Variants in ZNF142 observed in about 807,000 individuals in gnomAD.
ZNF142 encodes the protein zinc finger protein 142, also known as zinc finger protein 142 (clone pHZ-49).
In ZNF142, 96 loss-of-function variants were observed where a neutral mutation model predicts 132.1. The ratio of observed to expected loss-of-function variants is 0.73; its 90% CI spans 0.62 to 0.86. ZNF142 has a LOEUF of 0.86. Ranked by LOEUF, ZNF142 falls within the 40% of genes least tolerant of loss-of-function variation. The pLI is 0.00. For missense variants in ZNF142, 2,163 were observed against 2,336.2 expected (o/e 0.93, Z 1.53); for synonymous variants, 842 against 890.1 (o/e 0.95, Z 0.96).
At position 218,645,077 on chromosome 2, in the gene ZNF142, GA is replaced by G; in HGVS notation, c.2052-14del. ...GTTGCACTGATACCTGGCAAGGAGGGAAAGGGGGAGGCAATCACAATAATTA... is the reference window on the plus strand; with the variant it reads ...GTTGCACTGATACCTGGCAAGGAGGGAAGGGGGAGGCAATCACAATAATTA... On this transcript the variant is annotated splice_polypyrimidine_tract_variant and intron_variant, in intron 8 of 10. Transcript: ENST00000411696. The G allele has an allele frequency of 1.9e-6, 3 of 1,602,406 alleles. No individual in the cohort carries two copies. The East Asian group carries it at 6.7e-5, about 36-fold the overall frequency.
rs1575070013 is a variant in ZNF142, at chr2:218,646,480, G to A, written c.1874-132C>T. On this transcript the variant is annotated intron_variant, in intron 7 of 10. Transcript: ENST00000411696. ...AGCTTCATGTGCTACCTGAGATGGT[G>A]AAAACCTCACAATAATAAAGGGCTG... The A allele has an allele frequency of 4.0e-6, 4 of 1,006,460 alleles. No individual in the cohort carries two copies. In the South Asian group the frequency reaches 5.2e-5, roughly 13 times the overall value. The allele number at this position is 1,006,460 out of a possible 1,614,324, so 62.3% of individuals were successfully genotyped here. A position where few individuals can be genotyped will look rare whatever the true frequency, so the allele number is the denominator to read the frequency against.
rs1390126317 is a variant in ZNF142 at position 218,644,749 on chromosome 2, C to A, written c.2367G>T (p.Leu789Phe). ...AGCCATGGGCCTTGCGTTTATGGAA[C>A]AAGAGTGTGGTGTTGCTGAAGGTGC... Reference protein sequence around the residue: ...DYRTFSNTTLLFHKRKAHGYV... With the variant: ...DYRTFSNTTLFFHKRKAHGYV... The change falls in exon 9 of 11, where the codon TTG (leucine) becomes TTT (phenylalanine). Residue 789 changes from leucine to phenylalanine, a missense_variant. By Grantham distance (22) the Leu-to-Phe change is conservative. Transcript: ENST00000411696. This position sits in a 1 kb window ranked among gnomAD's most constrained non-coding sequence, Gnocchi z 4.6. The A allele has an allele frequency of 6.2e-7, 1 of 1,614,230 alleles. No individual in the cohort carries two copies. The highest frequency in any genetic ancestry group is 8.5e-7 in the Non-Finnish European group (1 of 1,180,048).
Position 218,633,641 on chromosome 2 carries a change from C to CTGGTTATCTACTTGAAGTCTGTCTCA in ZNF142, c.*4672_*4697dup. On this transcript the variant is annotated 3_prime_UTR_variant, in exon 11 of 11. Coordinates refer to ENST00000411696, the MANE Select transcript of ZNF142 (RefSeq NM_001379659.1). ...CATCTTGTGTCCAGCCCTCTCTTCC[C>CTGGTTATCTACTTGAAGTCTGTCTCA]TGGTTATCTACTTGAAGTCTGTCTC... The CTGGTTATCTACTTGAAGTCTGTCTCA allele has an allele frequency of 6.2e-7, 1 of 1,613,654 alleles. No homozygotes were observed. The highest frequency in any genetic ancestry group is 8.5e-7 in the Non-Finnish European group (1 of 1,179,594).
rs1416124688 is a variant in ZNF142, at chr2:218,648,809, G to A, written c.1699C>T (p.Pro567Ser). Reference protein sequence around the residue: ...LFRKHKKQGHPGSEELRCTFC... With the variant: ...LFRKHKKQGHSGSEELRCTFC... ...GTGCAGCGCAGCTCTTCACTGCCAG[G>A]GTGGCCCTGCTTCTTGTGTTTACGG... is the stretch of plus-strand genomic sequence containing the variant. Residue 567 changes from proline to serine, a missense_variant, in exon 7 of 11, where the codon CCT (proline) becomes TCT (serine). Physicochemically the swap from Pro to Ser is moderately conservative, Grantham distance 74 (BLOSUM62 -1). Coordinates refer to ENST00000411696, the MANE Select transcript of ZNF142 (RefSeq NM_001379659.1). 6.2e-7 allele frequency: 1 copy of A among 1,614,184 alleles called. No individual in the cohort carries two copies. Among genetic ancestry groups the A allele is most frequent in the Non-Finnish European group, 8.5e-7 (1 of 1,180,006 alleles).
rs989555908 is a variant in ZNF142, at chr2:218,642,691, A to G, written c.4425T>C (p.His1475=). The G allele has an allele frequency of 4.3e-6, 7 of 1,613,982 alleles. No individual in the cohort carries two copies. Among genetic ancestry groups the G allele is most frequent in the East Asian group, 2.2e-5 (1 of 44,898 alleles). The part of the protein sequence containing the change: ...SGYLRHDITR[H]VNSCHQGTPA... ...GGGTGCCTTGGTGGCAGCTGTTGAC[A>G]TGACGAGTGATGTCATGGCGAAGGT... Residue 1475 remains histidine (H), a synonymous_variant, in exon 9 of 11, where the codon CAT becomes CAC. Transcript: ENST00000411696. The surrounding 1 kb of genome is among the most constrained non-coding windows in gnomAD (Gnocchi z 4.6).
chr2:218,640,652 A>G lies in ZNF142; in HGVS notation c.5194+12T>C. 4 of 1,613,744 alleles carry G rather than the reference A, an allele frequency of 2.5e-6. No individual in the cohort carries two copies. The highest frequency in any genetic ancestry group is 3.4e-6 in the Non-Finnish European group (4 of 1,179,682). On this transcript the variant is annotated intron_variant, in intron 10 of 10. Transcript: ENST00000411696. ...GGAACCCTTCAGGCCTGTCGAAACC[A>G]CACAGACTCACCTGTATGCTTGGTC...
chr2:218,643,956 G>A lies in ZNF142; in HGVS notation c.3160C>T (p.His1054Tyr). 1 of 1,614,158 alleles carries A rather than the reference G, an allele frequency of 6.2e-7. No individual in the cohort carries two copies. The highest frequency in any genetic ancestry group is 1.1e-5 in the South Asian group (1 of 91,088). ...CGGCCTTGGCACCCAGTCCTGGAGT[G>A]CAGATTCAGGGCCTTCTCCCGGCGA... is the stretch of plus-strand genomic sequence containing the variant. Reference protein sequence around the residue: ...ITRREKALNLHSRTGCQGRRE... With the variant: ...ITRREKALNLYSRTGCQGRRE... Residue 1054 changes from histidine (H) to tyrosine (Y), a missense_variant, in exon 9 of 11, where the codon CAC (histidine) becomes TAC (tyrosine). His to Tyr is a moderately conservative substitution (Grantham distance 83, BLOSUM62 2). Transcript: ENST00000411696.
intron 6 of ZNF142, among the ~76,000 whole-genome samples, chr2:218,649,921 C>A (rs1192603076): frequency 6.6e-6 from 1 of 152,186 alleles, no homozygotes; most frequent in East Asian, 1.9e-4. Context: ...ACAACCCAAT[C>A]TTTCTTATTC....
At chr2:218,640,816 T>C in intron 9 of ZNF142, 47 bp from the exon 10 acceptor site, 3 of 1,463,336 alleles carry the variant, frequency 2.1e-6, no homozygotes, top group Non-Finnish European at 2.9e-6. Flanking sequence ...AAGTGCTCAA[T>C]AAATGTTAGC....
In ZNF142 at chr2:218,642,341, C is replaced by T. The variant is rs1272050636; in HGVS notation, c.4775G>A (p.Arg1592Gln). Reference protein sequence around the residue: ...CQLCDFAARERVGLVKHYLEQ... With the variant: ...CQLCDFAAREQVGLVKHYLEQ... Reference sequence around the variant, plus strand: ...CAGGTAGTGCTTTACCAGGCCCACCCGCTCCCGGGCAGCAAAGTCACAGAG... The same window carrying T: ...CAGGTAGTGCTTTACCAGGCCCACCTGCTCCCGGGCAGCAAAGTCACAGAG... The change falls in exon 9 of 11, where the codon CGG (arginine) becomes CAG (glutamine). Residue 1592 changes from arginine to glutamine, a missense_variant. This residue lies in a region of ZNF142 where 17 missense variants were observed against 35.9 expected (regional missense o/e 0.47). Transcript: ENST00000411696. The surrounding 1 kb of genome is among the most constrained non-coding windows in gnomAD (Gnocchi z 4.6). The T allele has an allele frequency of 7.4e-6, 12 of 1,613,452 alleles. No individual in the cohort carries two copies. The highest frequency in any genetic ancestry group is 2.2e-5 in the East Asian group (1 of 44,880).
chr2:218,654,384 T>TTTTA (rs1938293391), intron 4 of ZNF142, among the ~76,000 whole-genome samples: 1 of 151,844 alleles, frequency 6.6e-6, no homozygotes, highest in African/African-American at 2.4e-5. Context: ...TTTTTTTTTT[T>TTTTA]GAGACAGAAT....
At chr2:218,650,305 C>T in intron 6 of ZNF142, 54 bp downstream of exon 6, 4 of 1,610,472 alleles carry the variant, frequency 2.5e-6, no homozygotes, top group Non-Finnish European at 3.4e-6. Flanking sequence ...GGCAGGGTTT[C>T]AACAATCCAT....
chr2:218,638,295 T>C lies in ZNF142; in HGVS notation c.*44A>G, dbSNP rs2106181958. 1 of 1,464,662 alleles carries C rather than the reference T, an allele frequency of 6.8e-7. No homozygotes were observed. The highest frequency in any genetic ancestry group is 1.4e-5 in the South Asian group (1 of 69,204). 90.7% of individuals were successfully genotyped at this position (1,464,662 alleles called of 1,614,324 possible). ...GCTAGCGCTGGTCCCAGTCTGCACA[T>C]CTCAGACCATACCCTCTTCCTATAC... is the stretch of plus-strand genomic sequence containing the variant. On this transcript the variant is annotated 3_prime_UTR_variant, in exon 11 of 11. Coordinates refer to ENST00000411696, the MANE Select transcript of ZNF142 (RefSeq NM_001379659.1).
At chr2:218,655,451 C>T (rs1445840157) in intron 4 of ZNF142, among the ~76,000 whole-genome samples, 1 of 152,094 alleles carries the variant, frequency 6.6e-6, no homozygotes, top group Non-Finnish European at 1.5e-5. Context: ...GAGATAAATA[C>T]AAATGCTCAA....
At position 218,637,415 on chromosome 2, in the gene ZNF142, T is replaced by G. The variant is rs1199475110; in HGVS notation, c.*924A>C. On this transcript the variant is annotated 3_prime_UTR_variant, in exon 11 of 11. Coordinates refer to ENST00000411696, the MANE Select transcript of ZNF142 (RefSeq NM_001379659.1). ...GTCTGGCTGGAACCATCCTGGTTTA[T>G]GTCTGTTGTCCCAGCATAATTATTA... is the stretch of plus-strand genomic sequence containing the variant. 6.6e-6 allele frequency among the ~76,000 whole-genome samples: 1 copy of G among 152,250 alleles called. No homozygotes were observed. Among genetic ancestry groups the G allele is most frequent in the African/African-American group, 2.4e-5 (1 of 41,468 alleles).
chr2:218,633,380 C>G lies in ZNF142; in HGVS notation c.*4959G>C. The G allele has an allele frequency of 1.4e-6, 1 of 706,156 alleles. No homozygotes were observed. The highest frequency in any genetic ancestry group is 2.6e-6 in the Non-Finnish European group (1 of 387,340). 43.7% of individuals were successfully genotyped at this position (706,156 alleles called of 1,614,324 possible). The stretch of plus-strand genomic sequence containing the variant: ...AGACCGCCTTTATTCCCATTCCCAC[C>G]CCCAGGTTGTGACGTGCCCGCTGTT... On this transcript the variant is annotated 3_prime_UTR_variant, in exon 11 of 11. Transcript: ENST00000411696.
rs2384950 is a variant in ZNF142 at position 218,634,996 on chromosome 2, T to C, written c.*3343A>G. ...AGCTTACACCTGTAATCCCAGCGCTTTGGAGGCCAAGGCAGGAGGACTGCT... is the reference window on the plus strand; with the variant it reads ...AGCTTACACCTGTAATCCCAGCGCTCTGGAGGCCAAGGCAGGAGGACTGCT... On this transcript the variant is annotated 3_prime_UTR_variant, in exon 11 of 11. Coordinates refer to ENST00000411696, the MANE Select transcript of ZNF142 (RefSeq NM_001379659.1). The surrounding 1 kb of genome is among the most constrained non-coding windows in gnomAD (Gnocchi z 4.0). Among the ~76,000 whole-genome samples the C allele has an allele frequency of 0.63, 95,176 of 152,034 alleles. 30,161 individuals carry two copies. The highest frequency in any genetic ancestry group is 0.82 in the East Asian group (4,241 of 5,172).
chr2:218,649,423 G>T lies in ZNF142; in HGVS notation c.1085C>A (p.Thr362Asn). ...GCGCTTACACTCTGGACACATATGG[G>T]TCTTGAAGAGGGACTCGGTGCCAGA... ...VVSGTESLFKTHMCPECKRCF... is the reference protein window; with the variant it reads ...VVSGTESLFKNHMCPECKRCF... Residue 362 changes from threonine to asparagine, a missense_variant, in exon 7 of 11, where the codon ACC becomes AAC. Coordinates refer to ENST00000411696, the MANE Select transcript of ZNF142 (RefSeq NM_001379659.1). 1 of 1,609,938 alleles carries T rather than the reference G, an allele frequency of 6.2e-7. No homozygotes were observed. Among genetic ancestry groups the T allele is most frequent in the Non-Finnish European group, 8.5e-7 (1 of 1,177,668 alleles).
chr2:218,642,137 C>T lies in ZNF142; in HGVS notation c.4979G>A (p.Ser1660Asn). Residue 1660 changes from serine (S) to asparagine (N), a missense_variant, in exon 9 of 11, where the codon AGC becomes AAC. Ser to Asn is a conservative substitution (Grantham distance 46). This residue lies in a region of ZNF142 where 325 missense variants were observed against 367.8 expected (regional missense o/e 0.88). Transcript: ENST00000411696. The surrounding 1 kb of genome is among the most constrained non-coding windows in gnomAD (Gnocchi z 4.6). ...GGTGATCTTCTGTCGGTTCTTGGTG[C>T]TGTAAGCACAATCGGTGCACTTGTA... ...RLYKCTDCAY[S>N]TKNRQKITWH... The T allele has an allele frequency of 6.2e-7, 1 of 1,614,172 alleles. No individual in the cohort carries two copies. The highest frequency in any genetic ancestry group is 1.1e-5 in the South Asian group (1 of 91,086).
Sources: allele counts gnomAD v4.1 joint callset (sites outside exome capture counted in the v4.1 genomes callset), GRCh38; gene constraint gnomAD v4.1.1; regional missense constraint gnomAD v4.1.1; non-coding constraint Gnocchi (gnomAD v3.1); transcripts MANE v1.5; gene names NCBI Gene and HGNC (gene_info 2026-07-23, HGNC 2026-07-21).